TPRG1: variants seen among roughly 807,000 people sequenced by gnomAD.
TPRG1 encodes tumor protein p63 regulated 1.
In TPRG1, 29 loss-of-function variants were observed where a neutral mutation model predicts 29.3. That is an observed-to-expected ratio of 0.99 (90% CI 0.74 to 1.35). The LOEUF is 1.35. Among genes scored for constraint, TPRG1 ranks in the 40% most tolerant of loss-of-function variants. The pLI, the probability that TPRG1 is intolerant of heterozygous loss-of-function variation, is 0.00. For missense variants in TPRG1, 327 were observed against 335.0 expected (o/e 0.98, Z 0.19); for synonymous variants, 130 against 116.8 (o/e 1.11, Z -0.73).
chr3:189,312,295 G>T (rs192518904), intron 5 of TPRG1, among the ~76,000 whole-genome samples: 2 of 150,746 alleles, frequency 1.3e-5, no homozygotes, highest in African/African-American at 2.5e-5. Context: ...TCCGCCTCCC[G>T]GGTTCACATC....
At chr3:189,274,402 CA>C (rs79336541) in intron 4 of TPRG1, among the ~76,000 whole-genome samples, 13,267 of 152,052 alleles carry the variant, frequency 0.087, 731 homozygotes, top group East Asian at 0.15. Flanking sequence ...GCCGTTTGTT[CA>C]GCCTGTTTGG....
chr3:189,173,505 A>G (rs924149746), intron 1 of TPRG1, among the ~76,000 whole-genome samples: 13 of 151,314 alleles, frequency 8.6e-5, no homozygotes, highest in Admixed American at 2.6e-4. Flanking sequence ...ACACCTGGCT[A>G]GTTTTTGTAT....
intron 4 of TPRG1, among the ~76,000 whole-genome samples, chr3:189,054,257 G>T (rs1381661463): frequency 6.6e-6 from 1 of 152,000 alleles, no homozygotes; most frequent in Non-Finnish European, 1.5e-5. Context: ...ATGACCAGTT[G>T]GTAGGACAGT....
chr3:189,315,280 G>A (rs774140064), intron 5 of TPRG1, among the ~76,000 whole-genome samples: 1 of 49,536 alleles, frequency 2.0e-5, no homozygotes, highest in African/African-American at 7.9e-5. Flanking sequence ...TGAAAGAATT[G>A]TGTGTGTGTG....
intron 4 of TPRG1, among the ~76,000 whole-genome samples, chr3:189,026,286 A>G (rs952881024): frequency 6.6e-6 from 1 of 152,220 alleles, no homozygotes. Flanking sequence ...ACAGAGAGAG[A>G]GAGTGAGCTC....
intron 4 of TPRG1, among the ~76,000 whole-genome samples, chr3:189,299,397 G>A (rs1371546988): frequency 8.5e-5 from 13 of 152,098 alleles, no homozygotes; most frequent in Admixed American, 8.5e-4. Context: ...CTATATGCAT[G>A]CAAACGTATA....
intron 1 of TPRG1, among the ~76,000 whole-genome samples, chr3:189,199,946 C>G (rs1407888621): frequency 1.3e-5 from 2 of 152,082 alleles, no homozygotes; most frequent in Non-Finnish European, 2.9e-5. Flanking sequence ...GCACAACTTG[C>G]AAACAATCAA....
chr3:189,096,319 C>G (rs1204361443), upstream of TPRG1, among the ~76,000 whole-genome samples: 1 of 152,146 alleles, frequency 6.6e-6, no homozygotes, highest in Non-Finnish European at 1.5e-5. Context: ...TCTGGCTTCT[C>G]GAGTGTTACC....
intron 4 of TPRG1, among the ~76,000 whole-genome samples, chr3:189,274,210 C>A (rs928153391): frequency 1.3e-5 from 2 of 151,866 alleles, no homozygotes; most frequent in African/African-American, 2.4e-5. Flanking sequence ...ATAGGCATTA[C>A]TCCCACCTAC....
chr3:189,073,800 C>T (rs974156940), intron 4 of TPRG1, among the ~76,000 whole-genome samples: 1 of 152,102 alleles, frequency 6.6e-6, no homozygotes, highest in African/African-American at 2.4e-5. Context: ...CTTTCTCATG[C>T]ACAATATATA....
intron 3 of TPRG1, among the ~76,000 whole-genome samples, chr3:189,016,108 C>T (rs1194648168): frequency 6.6e-6 from 1 of 152,106 alleles, no homozygotes; most frequent in Non-Finnish European, 1.5e-5. Context: ...GAGGCCTGTA[C>T]CCTGTAGAGC....
intron 4 of TPRG1, among the ~76,000 whole-genome samples, chr3:189,247,454 G>A (rs1475149175): frequency 6.6e-6 from 1 of 151,862 alleles, no homozygotes; most frequent in Non-Finnish European, 1.5e-5. Context: ...TCTCAGGATT[G>A]CTTCTGTTGA....
intron 3 of TPRG1, among the ~76,000 whole-genome samples, chr3:189,228,604 C>CT (rs1048274683): frequency 1.3e-5 from 2 of 152,174 alleles, no homozygotes; most frequent in Non-Finnish European, 1.5e-5. Flanking sequence ...AAGAGGAAAA[C>CT]TTTCCTCTAT....
In TPRG1 at chr3:189,152,638, C is replaced by CCGCCATTACTATTAAAAAGTAGGATTGG. The variant is rs1560492817; in HGVS notation, c.-10+1766_-10+1767insCGCCATTACTATTAAAAAGTAGGATTGG. 7.9e-4 allele frequency among the ~76,000 whole-genome samples: 118 copies of CCGCCATTACTATTAAAAAGTAGGATTGG among 149,790 alleles called. 3 individuals are homozygous for CCGCCATTACTATTAAAAAGTAGGATTGG. The South Asian group carries it at 0.024, about 30-fold the overall frequency. On this transcript the variant is annotated intron_variant, in intron 5 of 6. Transcript: ENST00000412373. ...CCATTACTATTAAAAAGTAGGATTC[C>CCGCCATTACTATTAAAAAGTAGGATTGG]TACCCGCCATTATTATTAAAAAGTA...
At chr3:189,265,905 C>T (rs550876384) in intron 4 of TPRG1, among the ~76,000 whole-genome samples, 24 of 152,274 alleles carry the variant, frequency 1.6e-4, no homozygotes, top group Admixed American at 1.0e-3. Flanking sequence ...ACAAGAGATG[C>T]GCAGTTCATC....
rs184916343 is a variant in TPRG1 at position 189,164,413 on chromosome 3, C to T, written c.-10+13541C>T. On this transcript the variant is annotated intron_variant, in intron 5 of 6. Transcript: ENST00000412373. ...CTGATCTTAGGTGATCCACCCGCCTCGGCCTCCCAAAGTACTGGGATTACA... is the reference window on the plus strand; with the variant it reads ...CTGATCTTAGGTGATCCACCCGCCTTGGCCTCCCAAAGTACTGGGATTACA... Among the ~76,000 whole-genome samples the T allele has an allele frequency of 6.6e-5, 10 of 152,258 alleles. No homozygotes were observed. The East Asian group carries it at 9.7e-4, about 15-fold the overall frequency.
At chr3:189,136,473 G>T (rs1401446468) in intron 3 of TPRG1, among the ~76,000 whole-genome samples, 1 of 152,098 alleles carries the variant, frequency 6.6e-6, no homozygotes, top group African/African-American at 2.4e-5. Context: ...CTTCTTGCGG[G>T]ATATTGTGCT....
intron 4 of TPRG1, among the ~76,000 whole-genome samples, chr3:189,069,434 G>C (rs530817629): frequency 6.6e-6 from 1 of 152,138 alleles, no homozygotes; most frequent in Non-Finnish European, 1.5e-5. Flanking sequence ...TATCTTGACT[G>C]TATCAATGTC....
intron 5 of TPRG1, among the ~76,000 whole-genome samples, chr3:189,320,148 G>A (rs1314232247): frequency 2.0e-5 from 3 of 151,680 alleles, no homozygotes; most frequent in South Asian, 2.1e-4. Flanking sequence ...CCATGACAGC[G>A]GGGTTTTTTT....
Sources: allele counts gnomAD v4.1 joint callset (sites outside exome capture counted in the v4.1 genomes callset), GRCh38; gene constraint gnomAD v4.1.1; transcripts MANE v1.5; gene names NCBI Gene and HGNC (gene_info 2026-07-23, HGNC 2026-07-21).